IL1RAPL2: variants seen among roughly 807,000 people sequenced by gnomAD.
The protein encoded by IL1RAPL2 is interleukin 1 receptor accessory protein like 2.
IL1RAPL2 carries 3 observed loss-of-function variants against 44.1 expected under a neutral mutation model. The observed-to-expected ratio is 0.07, with a 90% CI of 0.03 to 0.18. IL1RAPL2 has a LOEUF of 0.18. Ranked by LOEUF, IL1RAPL2 falls within the 10% of genes least tolerant of loss-of-function variation. The pLI, the probability that IL1RAPL2 is intolerant of heterozygous loss-of-function variation, is 1.00. For missense variants in IL1RAPL2, 391 were observed against 496.4 expected (o/e 0.79, Z 2.02); for synonymous variants, 181 against 178.8 (o/e 1.01, Z -0.10).
intron 5 of IL1RAPL2, among the ~76,000 whole-genome samples, chrX:105,351,715 C>T (rs1361641389): frequency 9.1e-6 from 1 of 110,192 alleles, no homozygotes; most frequent in Non-Finnish European, 1.9e-5. Flanking sequence ...ACCACCATGG[C>T]GCATGTATAC....
At chrX:104,886,486 T>A (rs1218794694) in intron 2 of IL1RAPL2, among the ~76,000 whole-genome samples, 1 of 112,017 alleles carries the variant, frequency 8.9e-6, no homozygotes, top group Non-Finnish European at 1.9e-5. Flanking sequence ...TTAAAAGCCT[T>A]AGGCTTAGTA....
intron 2 of IL1RAPL2, among the ~76,000 whole-genome samples, chrX:104,953,757 G>C (rs1182581723): frequency 2.7e-5 from 3 of 111,699 alleles, no homozygotes; most frequent in Non-Finnish European, 3.8e-5. Context: ...ATATGTTCCT[G>C]ATTTTTCTGG....
intron 2 of IL1RAPL2, among the ~76,000 whole-genome samples, chrX:104,675,288 G>C (rs1930722475): frequency 9.0e-6 from 1 of 111,169 alleles, no homozygotes; most frequent in Admixed American, 9.6e-5. Flanking sequence ...CAGAGATTCT[G>C]GTATGTTGTG....
intron 3 of IL1RAPL2, among the ~76,000 whole-genome samples, chrX:105,227,658 G>A (rs903926703): frequency 8.9e-6 from 1 of 111,792 alleles, no homozygotes; most frequent in African/African-American, 3.2e-5. Context: ...AGGGTTGTGG[G>A]TCTTCATAGA....
chrX:105,136,625 A>C (rs2033079027), intron 2 of IL1RAPL2, among the ~76,000 whole-genome samples: 1 of 112,602 alleles, frequency 8.9e-6, no homozygotes, highest in Admixed American at 9.4e-5. Flanking sequence ...CTTTGGAAGA[A>C]CTGAAGCCAT....
At chrX:105,665,742 GTTTTTTTT>G (rs1178543516) in intron 6 of IL1RAPL2, among the ~76,000 whole-genome samples, 44 of 83,710 alleles carry the variant, frequency 5.3e-4, no homozygotes, top group African/African-American at 2.0e-3. Context: ...TTGTTTTTTT[GTTTTTTTT>G]TTTTTGTTGT....
intron 5 of IL1RAPL2, among the ~76,000 whole-genome samples, chrX:105,452,983 G>C (rs1311389016): frequency 1.8e-5 from 2 of 112,416 alleles, no homozygotes; most frequent in African/African-American, 6.5e-5. Context: ...AAGATGATTA[G>C]TGGTGCACAT....
At chrX:105,214,046 G>T (rs2033830231) in intron 3 of IL1RAPL2, among the ~76,000 whole-genome samples, 1 of 105,892 alleles carries the variant, frequency 9.4e-6, no homozygotes, top group Non-Finnish European at 1.9e-5. Context: ...AGACCTCTAT[G>T]AATAAACTGC....
At chrX:105,406,951 G>C in intron 5 of IL1RAPL2, 1 of 1,110,932 alleles carries the variant, frequency 9.0e-7, no homozygotes, top group Non-Finnish European at 1.2e-6. Context: ...ATCTGGGTGC[G>C]ATCTTCAAGA....
At chrX:105,427,916 G>A (rs1404509596) in intron 5 of IL1RAPL2, among the ~76,000 whole-genome samples, 1 of 111,313 alleles carries the variant, frequency 9.0e-6, no homozygotes, top group Admixed American at 9.6e-5. Context: ...AGATGTTGGA[G>A]GTTTGAAATA....
chrX:105,421,818 C>T (rs2035775962), intron 5 of IL1RAPL2, among the ~76,000 whole-genome samples: 1 of 111,769 alleles, frequency 8.9e-6, no homozygotes, highest in African/African-American at 3.2e-5. Context: ...TTTACAAAAG[C>T]ACAGCTTAGT....
chrX:105,192,910 T>C (rs1467285244), intron 2 of IL1RAPL2, among the ~76,000 whole-genome samples: 2 of 112,307 alleles, frequency 1.8e-5, no homozygotes, highest in African/African-American at 6.5e-5. Flanking sequence ...CATAAATCTA[T>C]TAAGTCAAAT....
chrX:104,642,043 G>C (rs1265048833), intron 1 of IL1RAPL2, among the ~76,000 whole-genome samples: 1 of 111,204 alleles, frequency 9.0e-6, no homozygotes, highest in Non-Finnish European at 1.9e-5. Context: ...CCATAGCCAA[G>C]ATTGCATGAT....
At chrX:104,592,568 A>C (rs924434489) in intron 1 of IL1RAPL2, among the ~76,000 whole-genome samples, 1 of 111,571 alleles carries the variant, frequency 9.0e-6, no homozygotes, top group South Asian at 3.7e-4. Flanking sequence ...TCATTTTAAG[A>C]AGTTCCATAA....
intron 4 of IL1RAPL2, among the ~76,000 whole-genome samples, chrX:105,235,249 G>T (rs781804455): frequency 7.2e-5 from 8 of 111,775 alleles, no homozygotes; most frequent in African/African-American, 1.6e-4. Context: ...CAACCTTCCA[G>T]CTATGATATT....
chrX:104,783,943 G>A (rs758872588), intron 2 of IL1RAPL2, among the ~76,000 whole-genome samples: 11 of 110,690 alleles, frequency 9.9e-5, no homozygotes, highest in Non-Finnish European at 1.9e-4. Flanking sequence ...GATTTTGAAG[G>A]AGTTAACCCT....
intron 2 of IL1RAPL2, among the ~76,000 whole-genome samples, chrX:105,071,660 A>G (rs2032208285): frequency 8.9e-6 from 1 of 112,220 alleles, no homozygotes; most frequent in Non-Finnish European, 1.9e-5. Context: ...TGGTAGCAGC[A>G]TAAGAACACT....
chrX:105,580,065 G>T (rs776764081), intron 6 of IL1RAPL2, among the ~76,000 whole-genome samples: 2 of 111,691 alleles, frequency 1.8e-5, no homozygotes, highest in South Asian at 3.7e-4. Flanking sequence ...AATTGTTCAG[G>T]TAAAACCATC....
intron 6 of IL1RAPL2, among the ~76,000 whole-genome samples, chrX:105,637,596 C>G (rs979211414): frequency 1.5e-3 from 85 of 56,582 alleles, no homozygotes; most frequent in African/African-American, 4.7e-3. Flanking sequence ...AAATTATTTG[C>G]CCCCCCCATT....
Sources: allele counts gnomAD v4.1 joint callset (sites outside exome capture counted in the v4.1 genomes callset), GRCh38; gene constraint gnomAD v4.1.1; transcripts MANE v1.5; gene names NCBI Gene and HGNC (gene_info 2026-07-23, HGNC 2026-07-21).